PRMT1: variants seen among roughly 807,000 people sequenced by gnomAD.
PRMT1 encodes the protein protein arginine N-methyltransferase 1.
In PRMT1, 5 loss-of-function variants were observed where a neutral mutation model predicts 47.4. That is an observed-to-expected ratio of 0.11 (90% CI 0.06 to 0.22). The LOEUF is 0.22. PRMT1 is among the 10% of genes least tolerant of loss of function. The probability of loss-of-function intolerance (pLI) is 1.00; values close to 1 mark genes in which losing one functional copy is unlikely to be tolerated. For missense variants in PRMT1, 249 were observed against 518.4 expected, an observed-to-expected ratio of 0.48 and a Z score of 5.05; for synonymous variants, 227 against 204.6, an observed-to-expected ratio of 1.11 and a Z score of -0.94.
In PRMT1 at chr19:49,688,111, C is replaced by A. The variant is rs79865986; in HGVS notation, c.1033-51C>A. The A allele has an allele frequency of 3.3e-6, 5 of 1,535,802 alleles. No homozygotes were observed. Among genetic ancestry groups the A allele is most frequent in the Non-Finnish European group, 4.5e-6 (5 of 1,109,096 alleles). ...GCATAGCCTGCCTGCACCCGCCCCC[C>A]GCCACCACCTCCTGGTGGGTTCCGC... On this transcript the variant is annotated intron_variant, in intron 10 of 10. Transcript: ENST00000454376. This position sits in a 1 kb window ranked among gnomAD's most constrained non-coding sequence, Gnocchi z 5.3.
chr19:49,686,550 G>A, intron 9 of PRMT1, 55 bp from the exon 10 acceptor site: 1 of 1,568,172 alleles, frequency 6.4e-7, no homozygotes, highest in Non-Finnish European at 8.6e-7. Context: ...GGAACGCAAG[G>A]GTGGGGTTGG....
chr19:49,682,931 G>A (rs550228779), intron 5 of PRMT1, among the ~76,000 whole-genome samples: 5 of 151,974 alleles, frequency 3.3e-5, no homozygotes, highest in South Asian at 2.1e-4. Flanking sequence ...GATTACAGGC[G>A]CCAGCCACCA....
chr19:49,683,659 G>T (rs1250703922), intron 5 of PRMT1: 3 of 347,712 alleles, frequency 8.6e-6, no homozygotes, highest in African/African-American at 4.9e-5. Flanking sequence ...CTGCACTCCA[G>T]CCTGGGTGAC....
chr19:49,688,102 C>CCG lies in PRMT1; in HGVS notation c.1033-59_1033-58insGC. On this transcript the variant is annotated intron_variant, in intron 10 of 10. Coordinates refer to ENST00000454376, the MANE Select transcript of PRMT1 (RefSeq NM_001536.6). This position sits in a 1 kb window ranked among gnomAD's most constrained non-coding sequence, Gnocchi z 5.3. ...CTCATCGTCGCATAGCCTGCCTGCA[C>CCG]CCGCCCCCCGCCACCACCTCCTGGT... 1 of 1,460,978 alleles carries CCG rather than the reference C, an allele frequency of 6.8e-7. No individual in the cohort carries two copies. The highest frequency in any genetic ancestry group is 1.4e-5 in the African/African-American group (1 of 69,644). The allele number at this position is 1,460,978 out of a possible 1,614,324, so 90.5% of individuals were successfully genotyped here. A position where few individuals can be genotyped will look rare whatever the true frequency, so the allele number is the denominator to read the frequency against.
Position 49,680,720 on chromosome 19 carries a change from C to A in PRMT1, c.192+132C>A. ...GCCGCCCCCCTGCCCCTCTGCTGCG[C>A]ACTTCCTAGGGTCGCCTCGCCAAGC... On this transcript the variant is annotated intron_variant, in intron 3 of 10. Coordinates refer to ENST00000454376, the MANE Select transcript of PRMT1 (RefSeq NM_001536.6). The surrounding 1 kb of genome is among the most constrained non-coding windows in gnomAD (Gnocchi z 4.2). 2 of 746,044 alleles carry A rather than the reference C, an allele frequency of 2.7e-6. No homozygotes were observed. Among genetic ancestry groups the A allele is most frequent in the South Asian group, 1.6e-5 (1 of 61,340 alleles). The allele number at this position is 746,044 out of a possible 1,614,324, so 46.2% of individuals were successfully genotyped here.
In PRMT1 at chr19:49,680,086, GC is replaced by G; in HGVS notation, c.90+166del. On this transcript the variant is annotated intron_variant, in intron 2 of 10. Coordinates refer to ENST00000454376, the MANE Select transcript of PRMT1 (RefSeq NM_001536.6). The surrounding 1 kb of genome is among the most constrained non-coding windows in gnomAD (Gnocchi z 4.2). ...TAGTAGCAACCCCTCCAGGTTCACA[GC>G]CCCCGCTGGCCTCCCCCAGTATCGC... is the stretch of plus-strand genomic sequence containing the variant. 1 of 1,067,678 alleles carries G rather than the reference GC, an allele frequency of 9.4e-7. No individual in the cohort carries two copies. The highest frequency in any genetic ancestry group is 1.4e-6 in the Non-Finnish European group (1 of 714,282). The allele number at this position is 1,067,678 out of a possible 1,614,324, so 66.1% of individuals were successfully genotyped here.
intron 5 of PRMT1, 108 bp from the exon 6 acceptor site, chr19:49,683,819 C>A: frequency 8.0e-7 from 1 of 1,244,922 alleles, no homozygotes; most frequent in Non-Finnish European, 1.1e-6. Flanking sequence ...CTTCTGCTCA[C>A]GCAGTTCTCT....
Position 49,685,826 on chromosome 19 carries a change from G to A in PRMT1, c.760-267G>A. On this transcript the variant is annotated intron_variant, in intron 8 of 10. Coordinates refer to ENST00000454376, the MANE Select transcript of PRMT1 (RefSeq NM_001536.6). This position sits in a 1 kb window ranked among gnomAD's most constrained non-coding sequence, Gnocchi z 4.7. ...GTGGAGTGGGGCGCCTGCATTCTAGGAGGTCTGGACAGAGTTAGGGTGGCA... is the reference window on the plus strand; with the variant it reads ...GTGGAGTGGGGCGCCTGCATTCTAGAAGGTCTGGACAGAGTTAGGGTGGCA... 7.8e-7 allele frequency: 1 copy of A among 1,278,140 alleles called. No homozygotes were observed. Among genetic ancestry groups the A allele is most frequent in the Non-Finnish European group, 9.9e-7 (1 of 1,009,410 alleles). The allele number at this position is 1,278,140 out of a possible 1,614,324, so 79.2% of individuals were successfully genotyped here.
chr19:49,682,900 C>T (rs564455325), intron 5 of PRMT1, among the ~76,000 whole-genome samples: 6 of 150,906 alleles, frequency 4.0e-5, no homozygotes, highest in East Asian at 2.0e-4. Flanking sequence ...ATTCTCCTGC[C>T]TCAGCCTCCC....
In PRMT1 at chr19:49,680,246, T is replaced by C. The variant is rs1190602624; in HGVS notation, c.91-241T>C. ...AGAGAGACTGGAGAGATGGTAGGCG[T>C]GGCTGAGGTATCGGGGTGCTCCCCT... is the stretch of plus-strand genomic sequence containing the variant. On this transcript the variant is annotated intron_variant, in intron 2 of 10. Transcript: ENST00000454376. The surrounding 1 kb of genome is among the most constrained non-coding windows in gnomAD (Gnocchi z 4.2). 1 of 1,572,448 alleles carries C rather than the reference T, an allele frequency of 6.4e-7. No individual in the cohort carries two copies. Among genetic ancestry groups the C allele is most frequent in the Non-Finnish European group, 8.7e-7 (1 of 1,148,372 alleles).
chr19:49,683,815 C>T, intron 5 of PRMT1, 112 bp from the exon 6 acceptor site: 2 of 1,210,424 alleles, frequency 1.7e-6, no homozygotes, highest in South Asian at 2.8e-5. Flanking sequence ...ATGGCTTCTG[C>T]TCACGCAGTT....
Position 49,685,181 on chromosome 19 carries a change from C to T in PRMT1, c.759+144C>T. 2 of 1,545,364 alleles carry T rather than the reference C, an allele frequency of 1.3e-6. No individual in the cohort carries two copies. Among genetic ancestry groups the T allele is most frequent in the Non-Finnish European group, 1.7e-6 (2 of 1,147,764 alleles). ...TGCCAGCCAGAGGTGGTGCTAGAGG[C>T]CCAGGAAAGACACTTCGTCCTTTAA... On this transcript the variant is annotated intron_variant, in intron 8 of 10. Transcript: ENST00000454376. This position sits in a 1 kb window ranked among gnomAD's most constrained non-coding sequence, Gnocchi z 4.7.
In PRMT1 at chr19:49,686,703, A is replaced by T; in HGVS notation, c.1009A>T (p.Met337Leu). ...CGAGGAGATCTTCGGCACCATCGGC[A>T]TGCGGCCCAACGCCAAGAACAACGT... The part of the protein sequence containing the change: ...TGEEIFGTIG[M>L]RPNAKNNRDL... The change falls in exon 10 of 11, where the codon ATG becomes TTG. Residue 337 changes from methionine to leucine, a missense_variant. By Grantham distance (15) the Met-to-Leu change is conservative. Coordinates refer to ENST00000454376, the MANE Select transcript of PRMT1 (RefSeq NM_001536.6). 6.2e-7 allele frequency: 1 copy of T among 1,605,800 alleles called. No homozygotes were observed. The highest frequency in any genetic ancestry group is 8.5e-7 in the Non-Finnish European group (1 of 1,175,236).
rs947750842 is a variant in PRMT1 at position 49,680,468 on chromosome 19, C to T, written c.91-19C>T. On this transcript the variant is annotated intron_variant, in intron 2 of 10. Transcript: ENST00000454376. The surrounding 1 kb of genome is among the most constrained non-coding windows in gnomAD (Gnocchi z 4.2). ...GGAGCCCCCAGATCTGACCCATGAT[C>T]CCATCGGCCCCCTCCCAGGTGTCCT... is the stretch of plus-strand genomic sequence containing the variant. The T allele has an allele frequency of 4.4e-6, 7 of 1,594,340 alleles. No homozygotes were observed. In the African/African-American group the frequency reaches 6.7e-5, roughly 15 times the overall value.
chr19:49,683,653 A>T (rs973271647), intron 5 of PRMT1: 3 of 338,748 alleles, frequency 8.9e-6, no homozygotes, highest in Non-Finnish European at 1.6e-5. Flanking sequence ...ACGCCACTGC[A>T]CTCCAGCCTG....
upstream of PRMT1, chr19:49,677,237 A>AG (rs552883563): frequency 0.018 from 24,709 of 1,404,262 alleles, 301 homozygotes; most frequent in Middle Eastern, 0.031. Context: ...GTGAGGAGAA[A>AG]GGGGGGGTCT....
Position 49,685,320 on chromosome 19 carries a change from C to G in PRMT1, c.759+283C>G. Reference sequence around the variant, plus strand: ...CAGCCCATGCACGGAAAGGCAGGACCCCAGGGCGATGAGCGGATGCACATG... The same window carrying G: ...CAGCCCATGCACGGAAAGGCAGGACGCCAGGGCGATGAGCGGATGCACATG... On this transcript the variant is annotated intron_variant, in intron 8 of 10. Transcript: ENST00000454376. The surrounding 1 kb of genome is among the most constrained non-coding windows in gnomAD (Gnocchi z 4.7). 1 of 1,356,452 alleles carries G rather than the reference C, an allele frequency of 7.4e-7. No individual in the cohort carries two copies. The highest frequency in any genetic ancestry group is 1.5e-5 in the South Asian group (1 of 67,054). The allele number at this position is 1,356,452 out of a possible 1,614,324, so 84.0% of individuals were successfully genotyped here.
Position 49,687,967 on chromosome 19 carries a change from C to G in PRMT1, c.1033-195C>G, listed in dbSNP as rs2082234723. On this transcript the variant is annotated intron_variant, in intron 10 of 10. Coordinates refer to ENST00000454376, the MANE Select transcript of PRMT1 (RefSeq NM_001536.6). Reference sequence around the variant, plus strand: ...TCTACTCCTGAGTGAGTCTAGTGGGCTTGGGGGTGTCCATGTGGTGCTGTC... The same window carrying G: ...TCTACTCCTGAGTGAGTCTAGTGGGGTTGGGGGTGTCCATGTGGTGCTGTC... 4.7e-6 allele frequency: 3 copies of G among 634,848 alleles called. No individual in the cohort carries two copies. The African/African-American group carries it at 5.4e-5, about 11-fold the overall frequency. The allele number at this position is 634,848 out of a possible 1,614,324, so 39.3% of individuals were successfully genotyped here.
chr19:49,682,721 C>G (rs1284752024), intron 5 of PRMT1, among the ~76,000 whole-genome samples: 1 of 151,640 alleles, frequency 6.6e-6, no homozygotes, highest in East Asian at 1.9e-4. Context: ...TTAACACTTT[C>G]CAGGATGTTG....
Sources: gnomAD v4.1 joint callset for allele counts (sites outside exome capture counted in the v4.1 genomes callset) on GRCh38, gnomAD v4.1.1 for gene constraint, Gnocchi (gnomAD v3.1) non-coding constraint, MANE v1.5 for transcripts, NCBI Gene and HGNC (gene_info 2026-07-23, HGNC 2026-07-21) for gene names.